The following PRUNE2 variants were observed in gnomAD, a reference collection of about 807,000 sequenced individuals.
PRUNE2 encodes protein prune homolog 2.
In PRUNE2, 164 loss-of-function variants were observed where a neutral mutation model predicts 252.0. The ratio of observed to expected loss-of-function variants is 0.65; its 90% confidence interval spans 0.57 to 0.74. The LOEUF (loss-of-function observed/expected upper bound fraction) is 0.74, where lower values mean the gene tolerates loss of function less well. PRUNE2 is among the 30% of genes least tolerant of loss of function. The pLI is 0.00. For missense variants in PRUNE2, 3,495 were observed against 3,711.0 expected, an observed-to-expected ratio of 0.94 and a Z score of 1.51; for synonymous variants, 1,292 against 1,350.2, an observed-to-expected ratio of 0.96 and a Z score of 0.94.
At chr9:76,784,079 ACCTCCGTC>A (rs2054714816) in intron 6 of PRUNE2, 1 of 151,986 alleles carries the variant, frequency 6.6e-6, no homozygotes, top group Admixed American at 6.6e-5. Flanking sequence ...ACCCGGGCTC[ACCTCCGTC>A]CCTCCATATT....
intron 6 of PRUNE2, among the ~76,000 whole-genome samples, chr9:76,730,623 C>T (rs1192757703): frequency 1.3e-5 from 2 of 152,160 alleles, no homozygotes; most frequent in African/African-American, 2.4e-5. Context: ...GAAAGAGGGC[C>T]GGGTACGGTG....
intron 10 of PRUNE2, among the ~76,000 whole-genome samples, chr9:76,654,663 A>G (rs1199090485): frequency 1.3e-5 from 2 of 152,236 alleles, no homozygotes; most frequent in Non-Finnish European, 2.9e-5. Context: ...TTATCATTCA[A>G]AAGTACATTG....
intron 6 of PRUNE2, among the ~76,000 whole-genome samples, chr9:76,796,904 T>C (rs9792500): frequency 0.086 from 13,138 of 152,244 alleles, 1,047 homozygotes; most frequent in East Asian, 0.2. Flanking sequence ...ACATTCATTC[T>C]TCTTGGATCT....
intron 9 of PRUNE2, among the ~76,000 whole-genome samples, chr9:76,682,384 G>A (rs570983014): frequency 3.1e-5 from 3 of 97,358 alleles, no homozygotes; most frequent in East Asian, 6.2e-4. Flanking sequence ...TTTTTGAGTT[G>A]GAGTTTCACT....
chr9:76,645,228 C>A (rs924726795), intron 11 of PRUNE2: 21 of 221,570 alleles, frequency 9.5e-5, no homozygotes, highest in African/African-American at 4.4e-4. Context: ...CAAGGACCAA[C>A]TCATCCTTGA....
intron 1 of PRUNE2, 133 bp downstream of exon 1, chr9:76,905,795 G>A: frequency 8.6e-7 from 1 of 1,159,712 alleles, no homozygotes; most frequent in African/African-American, 1.5e-5. Flanking sequence ...TTTCTTCCAG[G>A]AGACAACCCG....
intron 1 of PRUNE2, among the ~76,000 whole-genome samples, chr9:76,888,775 ACTCC>A (rs1034299785): frequency 1.3e-5 from 2 of 151,628 alleles, no homozygotes; most frequent in Admixed American, 6.6e-5. Flanking sequence ...GAAGCTCTGC[ACTCC>A]CTAAAAGACT....
At chr9:76,803,783 G>C (rs1483871226) in intron 6 of PRUNE2, among the ~76,000 whole-genome samples, 1 of 152,164 alleles carries the variant, frequency 6.6e-6, no homozygotes, top group Non-Finnish European at 1.5e-5. Flanking sequence ...AAGAGGGGTA[G>C]AAAACTTAGC....
At position 76,624,468 on chromosome 9, in the gene PRUNE2, C is replaced by T; in HGVS notation, c.9172G>A (p.Ala3058Thr). 7.0e-7 allele frequency: 1 copy of T among 1,431,306 alleles called. No homozygotes were observed. Among genetic ancestry groups the T allele is most frequent in the South Asian group, 1.7e-5 (1 of 59,158 alleles). 88.7% of individuals were successfully genotyped at this position (1,431,306 alleles called of 1,614,324 possible). The change falls in exon 17 of 19, where the codon GCA becomes ACA. Residue 3058 changes from alanine (A) to threonine (T), a missense_variant. Transcript: ENST00000376718. ...AAGTCTTACTTAGCTGCCTCTGATGCTTCCCTCAGTTCTTCATCCAGTCTG... is the reference window on the plus strand; with the variant it reads ...AAGTCTTACTTAGCTGCCTCTGATGTTTCCCTCAGTTCTTCATCCAGTCTG... ...IIKLDEELRE[A>T]SEAAKTSCLY...
chr9:76,829,751 G>GTT (rs1280140952), intron 4 of PRUNE2, among the ~76,000 whole-genome samples: 4 of 141,924 alleles, frequency 2.8e-5, no homozygotes, highest in Admixed American at 7.1e-5. Flanking sequence ...GTTTTGTTTT[G>GTT]TTTTTTTTTT....
chr9:76,799,079 G>A (rs149583229), intron 6 of PRUNE2, among the ~76,000 whole-genome samples: 16 of 152,000 alleles, frequency 1.1e-4, no homozygotes, highest in African/African-American at 3.6e-4. Context: ...GGTGGCTCAC[G>A]CCTGTAATCC....
chr9:76,731,274 C>T (rs986925641), intron 6 of PRUNE2, among the ~76,000 whole-genome samples: 2 of 108,416 alleles, frequency 1.8e-5, no homozygotes, highest in South Asian at 2.8e-4. Flanking sequence ...AACATATATT[C>T]CCTCTCTCTA....
At chr9:76,877,221 C>T (rs545248686) in intron 1 of PRUNE2, among the ~76,000 whole-genome samples, 8 of 151,278 alleles carry the variant, frequency 5.3e-5, no homozygotes, top group Non-Finnish European at 1.0e-4. Flanking sequence ...AAAAAAAATT[C>T]AGACCTGGCG....
intron 1 of PRUNE2, 126 bp downstream of exon 1, chr9:76,905,802 C>A: frequency 8.0e-7 from 1 of 1,245,636 alleles, no homozygotes; most frequent in Non-Finnish European, 1.2e-6. Flanking sequence ...CAGGAGACAA[C>A]CCGCACACCC....
chr9:76,695,008 T>TA (rs2045244916), intron 9 of PRUNE2, among the ~76,000 whole-genome samples: 1 of 152,220 alleles, frequency 6.6e-6, no homozygotes. Context: ...ACTAATTAAA[T>TA]AAAACCATGT....
chr9:76,718,494 A>G (rs1282309471), intron 6 of PRUNE2, among the ~76,000 whole-genome samples: 2 of 152,176 alleles, frequency 1.3e-5, no homozygotes, highest in African/African-American at 4.8e-5. Flanking sequence ...GATTCTCTAC[A>G]GTATTCCATG....
intron 6 of PRUNE2, among the ~76,000 whole-genome samples, chr9:76,809,214 T>C (rs147693928): frequency 1.4e-3 from 212 of 152,310 alleles, no homozygotes; most frequent in African/African-American, 4.8e-3. Flanking sequence ...TAGTGGCCCA[T>C]TAGAGCCAAT....
chr9:76,639,256 C>A (rs1012593916), intron 12 of PRUNE2, among the ~76,000 whole-genome samples: 1 of 152,230 alleles, frequency 6.6e-6, no homozygotes, highest in African/African-American at 2.4e-5. Flanking sequence ...CTTTGGGAGG[C>A]CGAGGTAGGC....
Position 76,826,671 on chromosome 9 carries a change from T to C in PRUNE2, c.570A>G (p.Glu190=), listed in dbSNP as rs1230117333. The change falls in exon 5 of 19, where the codon GAA becomes GAG. Residue 190 remains glutamate (E), a synonymous_variant. Coordinates refer to ENST00000376718, the MANE Select transcript of PRUNE2 (RefSeq NM_015225.3). ...ATTTTTCTTCCAGGATAGAAAGAAT[T>C]TCCTCCTGCTTCTCTGAGATCTTCT... The part of the protein sequence containing the change: ...ESEKISEKQE[E]ILSILEEKFP... The C allele has an allele frequency of 6.8e-6, 11 of 1,612,470 alleles. No individual in the cohort carries two copies. Among genetic ancestry groups the C allele is most frequent in the Admixed American group, 1.7e-5 (1 of 59,896 alleles).
Sources: allele counts gnomAD v4.1 joint callset (sites outside exome capture counted in the v4.1 genomes callset), GRCh38; gene constraint gnomAD v4.1.1; transcripts MANE v1.5; gene names NCBI Gene and HGNC (gene_info 2026-07-23, HGNC 2026-07-21).